Variants in DRC7 observed in about 807,000 individuals in gnomAD.
DRC7 encodes coiled-coil domain containing 135.
DRC7 carries 80 observed loss-of-function variants against 104.4 expected under a neutral mutation model. That is an observed-to-expected ratio of 0.77 (90% CI 0.64 to 0.92). The LOEUF is 0.92. Ranked by LOEUF, DRC7 falls within the 40% of genes least tolerant of loss-of-function variation. The probability of loss-of-function intolerance (pLI) is 0.00; values close to 1 mark genes in which losing one functional copy is unlikely to be tolerated. For synonymous variants in DRC7, 405 were observed against 447.3 expected, an observed-to-expected ratio of 0.91 and a Z score of 1.19; for missense variants, 1,034 against 1,141.1, an observed-to-expected ratio of 0.91 and a Z score of 1.35.
intron 17 of DRC7, 32 bp downstream of exon 17, chr16:57,728,616 G>GA (rs2049002455): frequency 6.6e-7 from 1 of 1,517,448 alleles, no homozygotes. Flanking sequence ...GGGAGGGGGG[G>GA]ATCTCAGCAT....
At chr16:57,699,108 G>T in intron 4 of DRC7, 84 bp downstream of exon 4, 1 of 1,501,634 alleles carries the variant, frequency 6.7e-7, no homozygotes, top group South Asian at 1.2e-5. Context: ...GGTTCTCCAA[G>T]GTCACTGGGC....
At chr16:57,697,101 C>T (rs201982624) in intron 2 of DRC7, among the ~76,000 whole-genome samples, 128 of 151,934 alleles carry the variant, frequency 8.4e-4, no homozygotes, top group African/African-American at 3.0e-3. Context: ...TTAGTAGAGA[C>T]GGGGTTTCGC....
intron 17 of DRC7, among the ~76,000 whole-genome samples, chr16:57,728,804 A>AGGTGGGTG (rs1214940869): frequency 1.2e-4 from 2 of 16,934 alleles, no homozygotes; most frequent in Non-Finnish European, 1.1e-4. Flanking sequence ...AGGTATGGAT[A>AGGTGGGTG]GGTGGGTGGG....
At position 57,723,149 on chromosome 16, in the gene DRC7, C is replaced by T. The variant is rs1227731702; in HGVS notation, c.1537+19C>T. 1 of 1,611,464 alleles carries T rather than the reference C, an allele frequency of 6.2e-7. No individual in the cohort carries two copies. Among genetic ancestry groups the T allele is most frequent in the Admixed American group, 1.7e-5 (1 of 59,818 alleles). On this transcript the variant is annotated intron_variant, in intron 12 of 18. Coordinates refer to ENST00000360716, the MANE Select transcript of DRC7 (RefSeq NM_001289162.2). ...CTGCGCGGTGCGTGGCTCCCCTTTC[C>T]TGGGCCACCCAGGAGCCTGGGGTAG...
At chr16:57,706,087 T>TTTTG in intron 7 of DRC7, among the ~76,000 whole-genome samples, 1 of 94,928 alleles carries the variant, frequency 1.1e-5, no homozygotes, top group African/African-American at 3.9e-5. Flanking sequence ...CATCCATCCA[T>TTTTG]CCTCCCATCC....
chr16:57,727,872 T>C (rs191256939), intron 16 of DRC7, among the ~76,000 whole-genome samples: 103 of 152,284 alleles, frequency 6.8e-4, no homozygotes, highest in African/African-American at 2.4e-3. Flanking sequence ...AGATTTTAGT[T>C]TGGGGGTCGT....
intron 2 of DRC7, among the ~76,000 whole-genome samples, 177 bp downstream of exon 2, chr16:57,696,771 A>G (rs1191702478): frequency 6.6e-6 from 1 of 152,166 alleles, no homozygotes; most frequent in East Asian, 1.9e-4. Context: ...CCCTGTTTGT[A>G]TGCCCTGGTG....
chr16:57,730,784 G>C lies in DRC7; in HGVS notation c.2392-147G>C, dbSNP rs529586022. ...GATATTTTGTGGCCCCTGCCTCTGT[G>C]GCAGGTATGGATAGGTGGCTTGTGT... On this transcript the variant is annotated intron_variant, in intron 17 of 18. Transcript: ENST00000360716. The C allele has an allele frequency of 5.3e-5, 42 of 790,458 alleles. 1 individual carries two copies. The South Asian group carries it at 6.7e-4, about 13-fold the overall frequency. The allele number at this position is 790,458 out of a possible 1,614,324, so 49.0% of individuals were successfully genotyped here.
intron 1 of DRC7, 37 bp from the exon 2 acceptor site, chr16:57,696,427 G>C (rs1242930415): frequency 1.1e-4 from 17 of 152,200 alleles, no homozygotes; most frequent in Admixed American, 1.0e-3. Flanking sequence ...AGGGCAGAGG[G>C]CTCCCCAATC....
intron 17 of DRC7, among the ~76,000 whole-genome samples, chr16:57,729,731 T>TGGGTGGATGAGTGAGTGAGC (rs2049030430): frequency 1.6e-5 from 1 of 64,182 alleles, no homozygotes; most frequent in African/African-American, 6.6e-5. Context: ...GGTGAGTGGG[T>TGGGTGGATGAGTGAGTGAGC]GGGTGGATGA....
chr16:57,707,077 A>C (rs762120913), intron 7 of DRC7, among the ~76,000 whole-genome samples: 1 of 152,154 alleles, frequency 6.6e-6, no homozygotes, highest in Non-Finnish European at 1.5e-5. Context: ...CTATTTATAC[A>C]TAACAATGAA....
chr16:57,726,115 G>A lies in DRC7; in HGVS notation c.1806G>A (p.Glu602=). The change falls in exon 14 of 19, where the codon GAG becomes GAA. Residue 602 remains glutamate, a synonymous_variant. Transcript: ENST00000360716. ...GCAACCCAGCGAAGCCCGCGGAGGA[G>A]GACGTGGCAGAGCGCGTGTTTCTGG... The part of the protein sequence containing the change: ...FFRNPAKPAE[E]DVAERVFLVA... 7 of 1,613,322 alleles carry A rather than the reference G, an allele frequency of 4.3e-6. No individual in the cohort carries two copies. Among genetic ancestry groups the A allele is most frequent in the Non-Finnish European group, 5.9e-6 (7 of 1,180,022 alleles).
chr16:57,726,429 G>T (rs2048966497), intron 14 of DRC7, 146 bp downstream of exon 14: 1 of 695,584 alleles, frequency 1.4e-6, no homozygotes, highest in South Asian at 1.9e-5. Flanking sequence ...AAAACCAAAA[G>T]TTCCCATCTG....
chr16:57,718,097 G>A (rs1337083373), intron 8 of DRC7, among the ~76,000 whole-genome samples: 5 of 152,352 alleles, frequency 3.3e-5, no homozygotes, highest in Middle Eastern at 3.4e-3. Context: ...GTCAACACGA[G>A]ATTTCCTCAC....
At chr16:57,701,648 A>G in intron 5 of DRC7, 1 of 324,952 alleles carries the variant, frequency 3.1e-6, no homozygotes, top group Non-Finnish European at 5.7e-6. Flanking sequence ...CAGTAAACTT[A>G]CCAGTCAGAG....
At chr16:57,725,984 G>A in intron 13 of DRC7, 84 bp from the exon 14 acceptor site, 1 of 1,203,290 alleles carries the variant, frequency 8.3e-7, no homozygotes, top group East Asian at 2.5e-5. Context: ...CTGAACGTTC[G>A]TTGCTCCTGC....
intron 6 of DRC7, 104 bp from the exon 7 acceptor site, chr16:57,704,771 AT>A: frequency 7.4e-7 from 1 of 1,347,894 alleles, no homozygotes; most frequent in Non-Finnish European, 1.0e-6. Context: ...AGTAGCTGCC[AT>A]CCCCCGGTCT....
At position 57,728,426 on chromosome 16, in the gene DRC7, G is replaced by A; in HGVS notation, c.2233G>A (p.Glu745Lys). ...MMHEEHLRQVETQLDYLAPFL... is the reference protein window; with the variant it reads ...MMHEEHLRQVKTQLDYLAPFL... ...GCACGAAGAGCACCTGCGGCAGGTG[G>A]AGACCCAGCTGGACTACCTGGCCCC... The change falls in exon 17 of 19, where the codon GAG (glutamate) becomes AAG (lysine). Residue 745 changes from glutamate to lysine, a missense_variant. By Grantham distance (56) the Glu-to-Lys change is moderately conservative. Coordinates refer to ENST00000360716, the MANE Select transcript of DRC7 (RefSeq NM_001289162.2). 6.2e-7 allele frequency: 1 copy of A among 1,609,046 alleles called. No homozygotes were observed. Among genetic ancestry groups the A allele is most frequent in the Non-Finnish European group, 8.5e-7 (1 of 1,178,052 alleles).
chr16:57,728,097 AG>A (rs1263142455), intron 16 of DRC7, among the ~76,000 whole-genome samples: 1 of 152,278 alleles, frequency 6.6e-6, no homozygotes, highest in Non-Finnish European at 1.5e-5. Flanking sequence ...GTCAGGCATC[AG>A]GCTGCGTGCT....
Sources: gnomAD v4.1 joint callset for allele counts (sites outside exome capture counted in the v4.1 genomes callset) on GRCh38, gnomAD v4.1.1 for gene constraint, MANE v1.5 for transcripts, NCBI Gene and HGNC (gene_info 2026-07-23, HGNC 2026-07-21) for gene names.